GABRB1: variants seen among roughly 807,000 people sequenced by gnomAD.
GABRB1 encodes the protein gamma-aminobutyric acid receptor subunit beta-1.
GABRB1 carries 17 observed loss-of-function variants against 51.6 expected under a neutral mutation model. The ratio of observed to expected loss-of-function variants is 0.33; its 90% CI spans 0.23 to 0.49. The LOEUF (loss-of-function observed/expected upper bound fraction) is 0.49. Ranked by LOEUF, GABRB1 falls within the 20% of genes least tolerant of loss-of-function variation. The probability of loss-of-function intolerance (pLI) is 0.99; values close to 1 mark genes in which losing one functional copy is unlikely to be tolerated. For missense variants in GABRB1, 410 were observed against 600.6 expected, an observed-to-expected ratio of 0.68 and a Z score of 3.32; for synonymous variants, 247 against 218.9, an observed-to-expected ratio of 1.13 and a Z score of -1.14.
intron 4 of GABRB1, among the ~76,000 whole-genome samples, chr4:47,191,902 C>T (rs552910510): frequency 6.6e-6 from 1 of 151,994 alleles, no homozygotes; most frequent in African/African-American, 2.4e-5. Context: ...ACAAACAATG[C>T]AAAATTATCT....
chr4:47,175,355 C>G (rs1179930515), intron 4 of GABRB1, among the ~76,000 whole-genome samples: 1 of 152,044 alleles, frequency 6.6e-6, no homozygotes, highest in East Asian at 1.9e-4. Flanking sequence ...TCACCCCCAG[C>G]CCTGTAATCT....
At chr4:47,135,197 T>A (rs1411499894) in intron 3 of GABRB1, among the ~76,000 whole-genome samples, 1 of 152,214 alleles carries the variant, frequency 6.6e-6, no homozygotes, top group African/African-American at 2.4e-5. Context: ...ATGACTTGGA[T>A]ATTTTTTAAT....
At chr4:47,081,657 A>C (rs1239071579) in intron 3 of GABRB1, among the ~76,000 whole-genome samples, 2 of 152,080 alleles carry the variant, frequency 1.3e-5, no homozygotes, top group African/African-American at 4.8e-5. Flanking sequence ...GCCCAAGTTT[A>C]ATATGTTTTT....
chr4:47,415,630 C>T (rs1025230982), intron 8 of GABRB1, among the ~76,000 whole-genome samples: 3 of 152,100 alleles, frequency 2.0e-5, no homozygotes, highest in Admixed American at 6.5e-5. Flanking sequence ...ACTTCAACCA[C>T]GTGCACCAAA....
chr4:47,410,677 A>G (rs1728732564), intron 8 of GABRB1, among the ~76,000 whole-genome samples: 2 of 152,234 alleles, frequency 1.3e-5, no homozygotes, highest in African/African-American at 4.8e-5. Context: ...ACCAAGGAGC[A>G]CAGAAAGAAA....
intron 3 of GABRB1, among the ~76,000 whole-genome samples, chr4:47,141,588 C>A (rs1425035477): frequency 1.3e-5 from 2 of 151,916 alleles, no homozygotes; most frequent in African/African-American, 4.8e-5. Context: ...TTCATCTTGA[C>A]TCATTCACAT....
At chr4:47,404,941 A>G (rs111803480) in intron 7 of GABRB1, among the ~76,000 whole-genome samples, 21 of 152,348 alleles carry the variant, frequency 1.4e-4, no homozygotes, top group African/African-American at 3.6e-4. Flanking sequence ...AGATGTCAGT[A>G]TATAAAGGTG....
rs541204505 is a variant in GABRB1 at position 47,210,440 on chromosome 4, A to G, written c.461+48971A>G. ...TCTCTCAGGGATCTACAGATTTTCAATTTCATATAAGCATTTGTGTTTGAT... is the reference window on the plus strand; with the variant it reads ...TCTCTCAGGGATCTACAGATTTTCAGTTTCATATAAGCATTTGTGTTTGAT... On this transcript the variant is annotated intron_variant, in intron 4 of 8. Transcript: ENST00000295454. 6.6e-5 allele frequency among the ~76,000 whole-genome samples: 10 copies of G among 152,238 alleles called. No individual in the cohort carries two copies. The South Asian group carries it at 1.9e-3, about 28-fold the overall frequency.
At chr4:47,356,009 T>C (rs1427824269) in intron 5 of GABRB1, among the ~76,000 whole-genome samples, 1 of 152,212 alleles carries the variant, frequency 6.6e-6, no homozygotes, top group Non-Finnish European at 1.5e-5. Context: ...GCTTAATGCA[T>C]AATAAGCATG....
intron 3 of GABRB1, among the ~76,000 whole-genome samples, chr4:47,152,965 A>G (rs1035951560): frequency 6.6e-6 from 1 of 152,024 alleles, no homozygotes; most frequent in African/African-American, 2.4e-5. Flanking sequence ...ATCATTTTGT[A>G]TCCTTTACTG....
Position 47,308,912 on chromosome 4 carries a change from A to G in GABRB1, c.462-11215A>G, listed in dbSNP as rs572553774. ...ACACTTGTTCTTAGCCAAAAGACCAAGAAACTATTGCTATCGTTTCAAGTC... is the reference window on the plus strand; with the variant it reads ...ACACTTGTTCTTAGCCAAAAGACCAGGAAACTATTGCTATCGTTTCAAGTC... On this transcript the variant is annotated intron_variant, in intron 4 of 8. Transcript: ENST00000295454. Among the ~76,000 whole-genome samples the G allele has an allele frequency of 7.7e-4, 118 of 152,270 alleles. 1 individual carries two copies. The highest frequency in any genetic ancestry group is 3.8e-3 in the Admixed American group (58 of 15,294).
At chr4:46,997,042 G>T (rs79901819) in intron 1 of GABRB1, among the ~76,000 whole-genome samples, 1 of 151,996 alleles carries the variant, frequency 6.6e-6, no homozygotes, top group Non-Finnish European at 1.5e-5. Context: ...TCTGTCCCTC[G>T]TATTTTGCAT....
At chr4:47,243,931 T>G (rs57474973) in intron 4 of GABRB1, among the ~76,000 whole-genome samples, 57,014 of 151,962 alleles carry the variant, frequency 0.38, 11,347 homozygotes, top group African/African-American at 0.49. Context: ...TTGAATAGGA[T>G]TAGTGAGAGA....
intron 4 of GABRB1, among the ~76,000 whole-genome samples, chr4:47,174,608 T>C (rs889592227): frequency 9.6e-6 from 1 of 104,532 alleles, no homozygotes; most frequent in African/African-American, 3.0e-5. Context: ...CTTATAATCA[T>C]TTGACTTAGA....
rs191554733 is a variant in GABRB1 at position 47,398,630 on chromosome 4, G to A, written c.545-4688G>A. ...GACGGTGTCTCGCACTGTCGCCCAG[G>A]ATGGAGTGCAGTGGCGCCATCTCTG... On this transcript the variant is annotated intron_variant, in intron 5 of 8. Coordinates refer to ENST00000295454, the MANE Select transcript of GABRB1 (RefSeq NM_000812.4). 3.3e-3 allele frequency among the ~76,000 whole-genome samples: 503 copies of A among 152,328 alleles called. 6 individuals carry two copies. The highest frequency in any genetic ancestry group is 0.011 in the African/African-American group (449 of 41,564).
chr4:47,062,062 T>C (rs1726866125), intron 3 of GABRB1, among the ~76,000 whole-genome samples: 1 of 152,212 alleles, frequency 6.6e-6, no homozygotes, highest in Non-Finnish European at 1.5e-5. Context: ...TCATTTATGC[T>C]GCTTTGCACC....
intron 4 of GABRB1, among the ~76,000 whole-genome samples, chr4:47,311,204 G>C (rs1251368037): frequency 6.6e-6 from 1 of 151,118 alleles, no homozygotes; most frequent in Non-Finnish European, 1.5e-5. Context: ...GACCAGCCTG[G>C]CCAACATGGT....
intron 4 of GABRB1, among the ~76,000 whole-genome samples, chr4:47,237,823 C>A (rs955354507): frequency 6.6e-6 from 1 of 151,604 alleles, no homozygotes; most frequent in South Asian, 2.1e-4. Flanking sequence ...TGGTGTTTGA[C>A]CTCAAAAAAA....
intron 3 of GABRB1, among the ~76,000 whole-genome samples, chr4:47,109,323 C>T (rs1351745484): frequency 6.6e-6 from 1 of 151,970 alleles, no homozygotes; most frequent in African/African-American, 2.4e-5. Flanking sequence ...TCCCTTTTAA[C>T]ATTGACACTC....
Sources: allele counts gnomAD v4.1 joint callset (sites outside exome capture counted in the v4.1 genomes callset), GRCh38; gene constraint gnomAD v4.1.1; transcripts MANE v1.5; gene names NCBI Gene and HGNC (gene_info 2026-07-23, HGNC 2026-07-21).